KLHL29: variants seen among roughly 807,000 people sequenced by gnomAD.
KLHL29 encodes the protein kelch like family member 29, also known as kelch-like protein 29.
A neutral mutation model predicts 80.4 loss-of-function variants in KLHL29; 21 were observed. The ratio of observed to expected loss-of-function variants is 0.26; its 90% CI spans 0.19 to 0.38. The LOEUF is 0.38. Among genes scored for constraint, KLHL29 ranks in the 10% least tolerant of loss-of-function variants. The pLI is 1.00. For synonymous variants in KLHL29, 511 were observed against 526.8 expected, an observed-to-expected ratio of 0.97 and a Z score of 0.41; for missense variants, 867 against 1,223.9, an observed-to-expected ratio of 0.71 and a Z score of 4.35.
At chr2:23,427,956 C>T (rs1366162505) in intron 1 of KLHL29, among the ~76,000 whole-genome samples, 2 of 152,232 alleles carry the variant, frequency 1.3e-5, no homozygotes, top group African/African-American at 2.4e-5. Context: ...GGGCGGCTCC[C>T]GTTTAATAGA....
At chr2:23,491,166 G>T (rs1665092035) in intron 2 of KLHL29, among the ~76,000 whole-genome samples, 1 of 152,038 alleles carries the variant, frequency 6.6e-6, no homozygotes, top group South Asian at 2.1e-4. Context: ...CAGTGCTCCA[G>T]CCCCTAGGGA....
chr2:23,439,047 A>G (rs1475113646), intron 1 of KLHL29, among the ~76,000 whole-genome samples: 5 of 149,390 alleles, frequency 3.3e-5, no homozygotes, highest in Admixed American at 6.6e-5. Context: ...GGGAGAGTGT[A>G]TGTGTCGAGG....
At chr2:23,629,053 C>T (rs760356699) in intron 3 of KLHL29, among the ~76,000 whole-genome samples, 5 of 152,222 alleles carry the variant, frequency 3.3e-5, no homozygotes, top group East Asian at 3.9e-4. Context: ...TCACCAATGC[C>T]GCGGTGACCA....
At chr2:23,448,840 C>A (rs1006848090) in intron 1 of KLHL29, among the ~76,000 whole-genome samples, 2 of 152,156 alleles carry the variant, frequency 1.3e-5, no homozygotes, top group Non-Finnish European at 2.9e-5. Flanking sequence ...TGGCCTCCAC[C>A]TCATTTCCTT....
At chr2:23,386,271 C>T (rs991677313) in intron 1 of KLHL29, among the ~76,000 whole-genome samples, 1 of 152,132 alleles carries the variant, frequency 6.6e-6, no homozygotes, top group Non-Finnish European at 1.5e-5. Context: ...CTCTGTGCAG[C>T]GAGAAGCCAG....
At chr2:23,655,127 A>G (rs1191124292) in intron 5 of KLHL29, among the ~76,000 whole-genome samples, 1 of 152,146 alleles carries the variant, frequency 6.6e-6, no homozygotes, top group Non-Finnish European at 1.5e-5. Flanking sequence ...GGAATTCCCA[A>G]AGTAACACAA....
intron 11 of KLHL29, among the ~76,000 whole-genome samples, chr2:23,701,886 T>C (rs899995053): frequency 1.4e-5 from 2 of 140,766 alleles, no homozygotes; most frequent in African/African-American, 5.2e-5. Context: ...CCGCAGCCTC[T>C]GCCTCCCAGG....
intron 5 of KLHL29, among the ~76,000 whole-genome samples, chr2:23,645,602 G>A (rs905246123): frequency 2.0e-5 from 3 of 152,178 alleles, no homozygotes; most frequent in Non-Finnish European, 2.9e-5. Context: ...TGACAACCTG[G>A]CCTCTCCCGG....
chr2:23,441,246 G>A (rs533404940), intron 1 of KLHL29, among the ~76,000 whole-genome samples: 13 of 136,246 alleles, frequency 9.5e-5, no homozygotes, highest in African/African-American at 2.2e-4. Context: ...ACCAAACACC[G>A]CATGTTCTCA....
chr2:23,385,882 G>C (rs1445389731), intron 1 of KLHL29, 102 bp downstream of exon 1: 1 of 152,350 alleles, frequency 6.6e-6, no homozygotes, highest in Non-Finnish European at 1.5e-5. Flanking sequence ...GTGGGAGCGG[G>C]GCCGGAACCC....
chr2:23,440,273 A>C (rs1462862139), intron 1 of KLHL29, among the ~76,000 whole-genome samples: 4 of 152,236 alleles, frequency 2.6e-5, no homozygotes, highest in African/African-American at 9.6e-5. Context: ...CTGGCTAGCC[A>C]TATGTAGAAA....
intron 2 of KLHL29, among the ~76,000 whole-genome samples, chr2:23,526,436 G>T (rs971737629): frequency 2.0e-5 from 3 of 152,238 alleles, no homozygotes; most frequent in African/African-American, 7.2e-5. Flanking sequence ...TGGTGCAGAG[G>T]GCTCTGCAGG....
Position 23,545,331 on chromosome 2 carries a change from G to A in KLHL29, c.-45-16821G>A, listed in dbSNP as rs565818873. Reference sequence around the variant, plus strand: ...CCCAAGTGGCCTTGAGCAAGCCACCGCATCACTGAGCCTCAGTTTCCCCTT... The same window carrying A: ...CCCAAGTGGCCTTGAGCAAGCCACCACATCACTGAGCCTCAGTTTCCCCTT... On this transcript the variant is annotated intron_variant, in intron 2 of 13. Transcript: ENST00000486442. 9.8e-5 allele frequency among the ~76,000 whole-genome samples: 15 copies of A among 152,326 alleles called. No individual in the cohort carries two copies. The East Asian group carries it at 2.3e-3, about 24-fold the overall frequency.
At chr2:23,435,527 G>C (rs1303277779) in intron 1 of KLHL29, among the ~76,000 whole-genome samples, 12 of 152,196 alleles carry the variant, frequency 7.9e-5, no homozygotes, top group Admixed American at 7.2e-4. Flanking sequence ...GGAATGGTTT[G>C]GGTGACATGA....
intron 5 of KLHL29, among the ~76,000 whole-genome samples, chr2:23,660,676 T>C (rs1558428460): frequency 6.6e-6 from 1 of 152,184 alleles, no homozygotes; most frequent in East Asian, 1.9e-4. Flanking sequence ...CAGGTGGCAG[T>C]TGGGGCCCAC....
At chr2:23,417,501 C>T (rs1485282277) in intron 1 of KLHL29, among the ~76,000 whole-genome samples, 1 of 152,200 alleles carries the variant, frequency 6.6e-6, no homozygotes, top group Non-Finnish European at 1.5e-5. Context: ...TGTCTTGATC[C>T]TGGCAACAGT....
chr2:23,648,898 A>C (rs1330444236), intron 5 of KLHL29, among the ~76,000 whole-genome samples: 4 of 152,208 alleles, frequency 2.6e-5, no homozygotes, highest in African/African-American at 9.7e-5. Context: ...TCTGCTAGAA[A>C]AAGGGTGTCT....
intron 11 of KLHL29, among the ~76,000 whole-genome samples, chr2:23,698,699 A>ATTT (rs1158810353): frequency 6.6e-6 from 1 of 152,184 alleles, no homozygotes; most frequent in African/African-American, 2.4e-5. Flanking sequence ...ATAGCAATAT[A>ATTT]TTGCAGTCAC....
intron 6 of KLHL29, chr2:23,688,759 G>T (rs1375481832): frequency 6.6e-6 from 1 of 152,296 alleles, no homozygotes; most frequent in Non-Finnish European, 1.5e-5. Context: ...CCCTGCTGCA[G>T]TCCCTCCAAA....
Sources: gnomAD v4.1 joint callset for allele counts (sites outside exome capture counted in the v4.1 genomes callset) on GRCh38, gnomAD v4.1.1 for gene constraint, MANE v1.5 for transcripts, NCBI Gene and HGNC (gene_info 2026-07-23, HGNC 2026-07-21) for gene names.